CGNL1: variants seen among roughly 807,000 people sequenced by gnomAD.
CGNL1 encodes the protein cingulin like 1, also known as cingulin-like protein 1.
In CGNL1, 132 loss-of-function variants were observed where a neutral mutation model predicts 141.2. The ratio of observed to expected loss-of-function variants is 0.93; its 90% CI spans 0.81 to 1.08. The LOEUF (loss-of-function observed/expected upper bound fraction) is 1.08, where lower values mean the gene tolerates loss of function less well. Ranked by LOEUF, CGNL1 falls within the 50% of genes least tolerant of loss-of-function variation. CGNL1 has a pLI of 0.00. For missense variants in CGNL1, 1,870 were observed against 1,588.6 expected (o/e 1.18, Z -3.01); for synonymous variants, 690 against 622.1 (o/e 1.11, Z -1.63).
chr15:57,377,551 A>T lies in CGNL1; in HGVS notation c.-16+984A>T, dbSNP rs993109406. Among the ~76,000 whole-genome samples the T allele has an allele frequency of 5.3e-5, 8 of 152,204 alleles. No individual in the cohort carries two copies. The East Asian group carries it at 1.5e-3, about 29-fold the overall frequency. The stretch of plus-strand genomic sequence containing the variant: ...CAAGATCAGTCCTGATCTAGAACTC[A>T]TCTCAGGTCCTCATAGCTCTTCCCT... On this transcript the variant is annotated intron_variant, in intron 1 of 18. Transcript: ENST00000281282.
At chr15:57,543,624 T>C in intron 14 of CGNL1, 72 bp from the exon 15 acceptor site, 1 of 1,359,402 alleles carries the variant, frequency 7.4e-7, no homozygotes, top group South Asian at 1.2e-5. Flanking sequence ...TTCAGTTCCT[T>C]GCCACCATTT....
chr15:57,415,010 C>T (rs2152274729), intron 1 of CGNL1, among the ~76,000 whole-genome samples: 1 of 152,296 alleles, frequency 6.6e-6, no homozygotes, highest in South Asian at 2.1e-4. Context: ...TCTTCTGGGG[C>T]ATTTCACGGA....
At chr15:57,544,032 A>G (rs1275512746) in intron 15 of CGNL1, among the ~76,000 whole-genome samples, 1 of 152,226 alleles carries the variant, frequency 6.6e-6, no homozygotes, top group African/African-American at 2.4e-5. Flanking sequence ...TAATGTAAAG[A>G]GAATGAAAAA....
intron 8 of CGNL1, among the ~76,000 whole-genome samples, chr15:57,512,680 A>G (rs1344578677): frequency 6.6e-6 from 1 of 152,186 alleles, no homozygotes; most frequent in Admixed American, 6.5e-5. Context: ...CTTATCTAAC[A>G]CGCTAGGGTG....
intron 13 of CGNL1, among the ~76,000 whole-genome samples, chr15:57,530,450 G>A (rs575315023): frequency 1.3e-5 from 2 of 152,324 alleles, no homozygotes; most frequent in African/African-American, 2.4e-5. Context: ...CTGTGACTAC[G>A]TCTTGCCTGC....
At chr15:57,413,631 TC>T (rs2062817856) in intron 1 of CGNL1, among the ~76,000 whole-genome samples, 2 of 152,240 alleles carry the variant, frequency 1.3e-5, no homozygotes, top group African/African-American at 4.8e-5. Context: ...CTCTTTTTTC[TC>T]TTTTCTTTTA....
At chr15:57,448,392 T>C (rs1203994166) in intron 4 of CGNL1, among the ~76,000 whole-genome samples, 2 of 152,192 alleles carry the variant, frequency 1.3e-5, no homozygotes, top group Non-Finnish European at 2.9e-5. Context: ...TTCATGCCTG[T>C]AATCCCAGAA....
At chr15:57,483,905 T>G (rs1453454605) in intron 8 of CGNL1, among the ~76,000 whole-genome samples, 1 of 152,214 alleles carries the variant, frequency 6.6e-6, no homozygotes, top group East Asian at 1.9e-4. Context: ...CTCCTGATTT[T>G]AAACTATCAA....
At chr15:57,443,141 G>C (rs189803192) in intron 4 of CGNL1, among the ~76,000 whole-genome samples, 26 of 152,342 alleles carry the variant, frequency 1.7e-4, no homozygotes, top group Admixed American at 3.3e-4. Context: ...TGGTGACACT[G>C]ATCAGCTGTG....
At chr15:57,515,682 TG>T (rs2030716229) in intron 8 of CGNL1, among the ~76,000 whole-genome samples, 1 of 152,230 alleles carries the variant, frequency 6.6e-6, no homozygotes, top group Non-Finnish European at 1.5e-5. Context: ...AAAGCCCCTG[TG>T]ACCTCTGGAA....
chr15:57,533,697 C>G (rs2032086627), intron 14 of CGNL1, among the ~76,000 whole-genome samples: 1 of 152,240 alleles, frequency 6.6e-6, no homozygotes, highest in Admixed American at 6.5e-5. Flanking sequence ...ACTGACAGAA[C>G]TGATCATGCA....
intron 1 of CGNL1, among the ~76,000 whole-genome samples, chr15:57,409,073 A>ACACACACG (rs59183815): frequency 6.7e-6 from 1 of 149,962 alleles, no homozygotes; most frequent in African/African-American, 2.5e-5. Flanking sequence ...ACACACACAC[A>ACACACACG]TTGCCTTTTG....
chr15:57,415,400 C>A (rs1319954338), intron 1 of CGNL1, among the ~76,000 whole-genome samples: 2 of 152,160 alleles, frequency 1.3e-5, no homozygotes, highest in East Asian at 3.8e-4. Flanking sequence ...ACAATGGAAG[C>A]AAAGCCAGAG....
chr15:57,408,374 A>G (rs1268419752), intron 1 of CGNL1, among the ~76,000 whole-genome samples: 1 of 152,060 alleles, frequency 6.6e-6, no homozygotes, highest in Admixed American at 6.6e-5. Context: ...CCTCACTCAG[A>G]GACAAATCTT....
At chr15:57,435,497 T>A (rs1364644551) in intron 1 of CGNL1, among the ~76,000 whole-genome samples, 1 of 151,736 alleles carries the variant, frequency 6.6e-6, no homozygotes, top group Non-Finnish European at 1.5e-5. Flanking sequence ...TTATTTTACT[T>A]TGATTAAAAA....
At chr15:57,530,999 C>T (rs1003242455) in intron 13 of CGNL1, among the ~76,000 whole-genome samples, 1 of 152,174 alleles carries the variant, frequency 6.6e-6, no homozygotes, top group African/African-American at 2.4e-5. Context: ...AGGCTGACAA[C>T]CCCCAGTTGT....
chr15:57,409,001 A>C (rs1481029352), intron 1 of CGNL1, among the ~76,000 whole-genome samples: 1 of 150,416 alleles, frequency 6.6e-6, no homozygotes, highest in African/African-American at 2.5e-5. Context: ...AAATGGCACC[A>C]CTGCACTCCA....
At chr15:57,407,218 T>C (rs1470560547) in intron 1 of CGNL1, 1 of 152,268 alleles carries the variant, frequency 6.6e-6, no homozygotes, top group Non-Finnish European at 1.5e-5. Context: ...TGCTATAACT[T>C]ACAGCAACCT....
chr15:57,423,850 G>A (rs1614202), intron 1 of CGNL1, among the ~76,000 whole-genome samples: 84,050 of 152,070 alleles, frequency 0.55, 23,474 homozygotes, highest in Middle Eastern at 0.61. Flanking sequence ...ATTGGATCTC[G>A]GGTGGAATCC....
Sources: gnomAD v4.1 joint callset for allele counts (sites outside exome capture counted in the v4.1 genomes callset) on GRCh38, gnomAD v4.1.1 for gene constraint, MANE v1.5 for transcripts, NCBI Gene and HGNC (gene_info 2026-07-23, HGNC 2026-07-21) for gene names.